Variants in AGAP3 observed in about 807,000 individuals in gnomAD.
AGAP3 encodes ArfGAP with GTPase domain, ankyrin repeat and PH domain 3, also known as arf-GAP with GTPase, ANK repeat and PH domain-containing protein 3.
A neutral mutation model predicts 96.9 loss-of-function variants in AGAP3; 24 were observed. The ratio of observed to expected loss-of-function variants is 0.25; its 90% CI spans 0.18 to 0.35. The LOEUF (loss-of-function observed/expected upper bound fraction) is 0.35, where lower values mean the gene tolerates loss of function less well. AGAP3 is among the 10% of genes least tolerant of loss of function. The probability of loss-of-function intolerance (pLI) is 1.00; values close to 1 mark genes in which losing one functional copy is unlikely to be tolerated. For synonymous variants in AGAP3, 563 were observed against 536.1 expected, an observed-to-expected ratio of 1.05 and a Z score of -0.69; for missense variants, 876 against 1,254.2, an observed-to-expected ratio of 0.70 and a Z score of 4.55.
In AGAP3 at chr7:151,120,631, T is replaced by TA. The variant is rs1266996788; in HGVS notation, c.1128+487dup. 6.2e-6 allele frequency: 8 copies of TA among 1,291,338 alleles called. No individual in the cohort carries two copies. The East Asian group carries it at 3.9e-4, about 63-fold the overall frequency. The allele number at this position is 1,291,338 out of a possible 1,614,324, so 80.0% of individuals were successfully genotyped here. On this transcript the variant is annotated intron_variant, in intron 8 of 17. Coordinates refer to ENST00000397238, the MANE Select transcript of AGAP3 (RefSeq NM_031946.7). ...CGTCGCCTTCCGGCTCTTTTTCCGT[T>TA]ACCCCACTGCCGAGGGGAAAATTCA...
At position 151,134,487 on chromosome 7, in the gene AGAP3, C is replaced by G. The variant is rs1403379648; in HGVS notation, c.1414C>G (p.Pro472Ala). ...AGGGAAGCGCCTGCCCCGAGCCACA[C>G]CTGCCACAGCCCCGGGCACCAGCCC... ...VPGKRLPRAT[P>A]ATAPGTSPRA... Residue 472 changes from proline to alanine, a missense_variant, in exon 11 of 18, where the codon CCT (proline) becomes GCT (alanine). Around this residue, in one of 8 missense-constraint regions of AGAP3, gnomAD observed 63 missense variants for 114.5 expected, o/e 0.55. Transcript: ENST00000397238. 7.4e-6 allele frequency: 12 copies of G among 1,613,206 alleles called. No homozygotes were observed. Among genetic ancestry groups the G allele is most frequent in the Non-Finnish European group, 1.0e-5 (12 of 1,180,016 alleles).
At chr7:151,099,651 G>C (rs1023467086) in intron 1 of AGAP3, among the ~76,000 whole-genome samples, 14 of 152,186 alleles carry the variant, frequency 9.2e-5, no homozygotes, top group Admixed American at 9.2e-4. Flanking sequence ...ATGTGGGCCC[G>C]GGGACTGGCA....
intron 10 of AGAP3, chr7:151,131,363 G>A (rs1188701864): frequency 2.0e-5 from 3 of 152,214 alleles, no homozygotes; most frequent in East Asian, 3.8e-4. Context: ...CTCTGAACTC[G>A]TTGTTAATTC....
intron 11 of AGAP3, 129 bp downstream of exon 11, chr7:151,134,697 C>G (rs1238374542): frequency 1.0e-6 from 1 of 990,540 alleles, no homozygotes; most frequent in Non-Finnish European, 1.5e-6. Context: ...TCAAGGTCAT[C>G]TCAGCCAAAG....
At chr7:151,110,632 C>T (rs1306719868) in intron 1 of AGAP3, among the ~76,000 whole-genome samples, 2 of 151,826 alleles carry the variant, frequency 1.3e-5, no homozygotes, top group East Asian at 3.9e-4. Flanking sequence ...AAGGAAATCA[C>T]TTGGCAGTGG....
intron 1 of AGAP3, among the ~76,000 whole-genome samples, chr7:151,103,701 A>C (rs1798922603): frequency 6.6e-6 from 1 of 152,136 alleles, no homozygotes; most frequent in South Asian, 2.1e-4. Context: ...TTAGTAGCTG[A>C]CCCATAACCA....
chr7:151,144,047 T>A lies in AGAP3; in HGVS notation c.*104T>A. 2 of 1,268,106 alleles carry A rather than the reference T, an allele frequency of 1.6e-6. No individual in the cohort carries two copies. The highest frequency in any genetic ancestry group is 2.2e-6 in the Non-Finnish European group (2 of 912,732). The allele number at this position is 1,268,106 out of a possible 1,614,324, so 78.6% of individuals were successfully genotyped here. On this transcript the variant is annotated 3_prime_UTR_variant, in exon 18 of 18. Transcript: ENST00000397238. ...ACACAGAGATGGAGAAGCAGGGACATGCTGAGAGGACGAAGCCAAGGAAAT... is the reference window on the plus strand; with the variant it reads ...ACACAGAGATGGAGAAGCAGGGACAAGCTGAGAGGACGAAGCCAAGGAAAT...
intron 12 of AGAP3, 25 bp downstream of exon 12, chr7:151,138,338 C>T (rs1800686944): frequency 6.3e-7 from 1 of 1,587,482 alleles, no homozygotes; most frequent in Non-Finnish European, 8.6e-7. Flanking sequence ...TGCTGCTTCC[C>T]ACCTTTTCTG....
intron 1 of AGAP3, chr7:151,116,583 T>C: frequency 3.3e-6 from 2 of 600,738 alleles, no homozygotes; most frequent in East Asian, 5.6e-5. Context: ...CAGAGTCCTG[T>C]TCTGAAGACC....
chr7:151,142,056 G>A lies in AGAP3; in HGVS notation c.1959+4G>A, dbSNP rs772177737. On this transcript the variant is annotated splice_donor_region_variant and intron_variant, in intron 14 of 17. Transcript: ENST00000397238. The surrounding 1 kb of genome is among the most constrained non-coding windows in gnomAD (Gnocchi z 7.5). ...CTGCCGCAGTGCCAAGGACAAGGTG[G>A]GTACAGAGTGACTGGGCCCACACAG... The A allele has an allele frequency of 6.2e-7, 1 of 1,611,744 alleles. No individual in the cohort carries two copies. Among genetic ancestry groups the A allele is most frequent in the Non-Finnish European group, 8.5e-7 (1 of 1,178,298 alleles).
Position 151,133,430 on chromosome 7 carries a change from C to G in AGAP3, c.1327-970C>G, listed in dbSNP as rs982488119. Among the ~76,000 whole-genome samples, 11 of 151,678 alleles carry G rather than the reference C, an allele frequency of 7.3e-5. No homozygotes were observed. Among genetic ancestry groups the G allele is most frequent in the Non-Finnish European group, 1.6e-4 (11 of 67,852 alleles). On this transcript the variant is annotated intron_variant, in intron 10 of 17. Coordinates refer to ENST00000397238, the MANE Select transcript of AGAP3 (RefSeq NM_031946.7). The surrounding 1 kb of genome is among the most constrained non-coding windows in gnomAD (Gnocchi z 5.4). Reference sequence around the variant, plus strand: ...CAGGCCAGGAAGCGGCAGGCTCCCACCCTCCCTCCCTGCACTCGGCCGTGG... The same window carrying G: ...CAGGCCAGGAAGCGGCAGGCTCCCAGCCTCCCTCCCTGCACTCGGCCGTGG...
chr7:151,111,217 G>A (rs1310409688), intron 1 of AGAP3, among the ~76,000 whole-genome samples: 1 of 152,190 alleles, frequency 6.6e-6, no homozygotes, highest in African/African-American at 2.4e-5. Context: ...CCGGCTGCAG[G>A]AAGATGTTTT....
Position 151,101,539 on chromosome 7 carries a change from C to T in AGAP3, c.331+14467C>T, listed in dbSNP as rs573564975. 2.0e-5 allele frequency among the ~76,000 whole-genome samples: 3 copies of T among 152,220 alleles called. No individual in the cohort carries two copies. In the South Asian group the frequency reaches 6.2e-4, roughly 32 times the overall value. ...TTGAGTGCCCTCGAGGGGTGGAAGC[C>T]AGGACTCAGGAGACTGTGGGAAACC... On this transcript the variant is annotated intron_variant, in intron 1 of 17. Transcript: ENST00000397238.
At chr7:151,123,193 AGCCGCCGCC>A (rs1046346361) in intron 8 of AGAP3, 1 of 1,051,452 alleles carries the variant, frequency 9.5e-7, no homozygotes. Flanking sequence ...CTGCTCCGGA[AGCCGCCGCC>A]GCCGCCGCGC....
intron 1 of AGAP3, among the ~76,000 whole-genome samples, chr7:151,088,499 G>T (rs2150399299): frequency 6.6e-6 from 1 of 152,340 alleles, no homozygotes; most frequent in African/African-American, 2.4e-5. Context: ...TTTCCTCTTA[G>T]ATCTGAAGAG....
Position 151,143,248 on chromosome 7 carries a change from G to A in AGAP3, c.2274-93G>A. 1 of 1,442,976 alleles carries A rather than the reference G, an allele frequency of 6.9e-7. No homozygotes were observed. Among genetic ancestry groups the A allele is most frequent in the Non-Finnish European group, 9.4e-7 (1 of 1,069,084 alleles). The allele number at this position is 1,442,976 out of a possible 1,614,324, so 89.4% of individuals were successfully genotyped here. A position where few individuals can be genotyped will look rare whatever the true frequency, so the allele number is the denominator to read the frequency against. ...CTCACTGTTTCTTCCTTGTTCCCCCGGGTGCTCGCTTCCTTTCCTGCCCAC... is the reference window on the plus strand; with the variant it reads ...CTCACTGTTTCTTCCTTGTTCCCCCAGGTGCTCGCTTCCTTTCCTGCCCAC... On this transcript the variant is annotated intron_variant, in intron 16 of 17. Transcript: ENST00000397238. The surrounding 1 kb of genome is among the most constrained non-coding windows in gnomAD (Gnocchi z 5.9).
At chr7:151,123,731 C>A in intron 8 of AGAP3, 63 bp from the exon 9 acceptor site, 1 of 1,596,256 alleles carries the variant, frequency 6.3e-7, no homozygotes, top group Non-Finnish European at 8.6e-7. Flanking sequence ...GCCGGGAAGT[C>A]CAGGTGGGCA....
Position 151,108,120 on chromosome 7 carries a change from C to A in AGAP3, c.332-8673C>A, listed in dbSNP as rs568836306. On this transcript the variant is annotated intron_variant, in intron 1 of 17. Transcript: ENST00000397238. The surrounding 1 kb of genome is among the most constrained non-coding windows in gnomAD (Gnocchi z 4.2). ...GTCAGAGCTGGAGTGGCGTCACGGG[C>A]ACTTCCAGGGTCTTAGAACATGGCC... Among the ~76,000 whole-genome samples the A allele has an allele frequency of 6.6e-6, 1 of 152,342 alleles. No individual in the cohort carries two copies. Among genetic ancestry groups the A allele is most frequent in the Admixed American group, 6.5e-5 (1 of 15,310 alleles).
Position 151,114,636 on chromosome 7 carries a change from A to G in AGAP3, c.332-2157A>G. 1.2e-6 allele frequency: 1 copy of G among 826,702 alleles called. No homozygotes were observed. Among genetic ancestry groups the G allele is most frequent in the Non-Finnish European group, 1.5e-6 (1 of 683,502 alleles). 51.2% of individuals were successfully genotyped at this position (826,702 alleles called of 1,614,324 possible). A position where few individuals can be genotyped will look rare whatever the true frequency, so the allele number is the denominator to read the frequency against. ...TCTGGGCTTGCCGGCCGCGAGGTGG[A>G]GGAGTTGAGGGACTCGGTCGGCCCA... On this transcript the variant is annotated intron_variant, in intron 1 of 17. Transcript: ENST00000397238. The surrounding 1 kb of genome is among the most constrained non-coding windows in gnomAD (Gnocchi z 4.4).
Sources: gnomAD v4.1 joint callset for allele counts (sites outside exome capture counted in the v4.1 genomes callset) on GRCh38, gnomAD v4.1.1 for gene constraint, gnomAD v4.1.1 regional missense constraint, Gnocchi (gnomAD v3.1) non-coding constraint, MANE v1.5 for transcripts, NCBI Gene and HGNC (gene_info 2026-07-23, HGNC 2026-07-21) for gene names.